Variants in DLGAP1 observed in about 807,000 individuals in gnomAD.
DLGAP1 encodes the protein DLG associated protein 1, also known as disks large-associated protein 1.
In DLGAP1, 11 loss-of-function variants were observed where a neutral mutation model predicts 90.8. The observed-to-expected ratio is 0.12, with a 90% CI of 0.08 to 0.20. The LOEUF is 0.20. DLGAP1 is among the 10% of genes least tolerant of loss of function. The pLI, the probability that DLGAP1 is intolerant of heterozygous loss-of-function variation, is 1.00. For synonymous variants in DLGAP1, 558 were observed against 540.7 expected (o/e 1.03, Z -0.44); for missense variants, 1,050 against 1,333.8 (o/e 0.79, Z 3.31).
intron 3 of DLGAP1, among the ~76,000 whole-genome samples, chr18:3,948,420 G>C (rs942058945): frequency 3.3e-5 from 5 of 152,094 alleles, no homozygotes; most frequent in Non-Finnish European, 7.4e-5. Context: ...TGCTGTTAGG[G>C]TTTCACAGAA....
intron 2 of DLGAP1, among the ~76,000 whole-genome samples, chr18:4,137,683 T>A (rs554831720): frequency 6.6e-6 from 1 of 152,316 alleles, no homozygotes; most frequent in Admixed American, 6.5e-5. Flanking sequence ...GGTATTTTGA[T>A]AAGGATTGCA....
intron 8 of DLGAP1, 125 bp from the exon 9 acceptor site, chr18:3,567,706 G>A (rs2054516218): frequency 1.2e-6 from 1 of 835,002 alleles, no homozygotes; most frequent in African/African-American, 1.7e-5. Context: ...TAACCTCCTT[G>A]TTCAATATTT....
chr18:4,360,382 C>G (rs2081606378), intron 1 of DLGAP1, among the ~76,000 whole-genome samples: 1 of 152,124 alleles, frequency 6.6e-6, no homozygotes, highest in South Asian at 2.1e-4. Flanking sequence ...CAGACTTACA[C>G]AGCAGAAGCT....
intron 1 of DLGAP1, among the ~76,000 whole-genome samples, chr18:4,372,937 A>AG (rs398031876): frequency 2.0e-5 from 3 of 151,676 alleles, no homozygotes; most frequent in South Asian, 2.1e-4. Flanking sequence ...CAAAAAAAAA[A>AG]GAAAAGAAAA....
At chr18:3,712,002 C>T (rs991759404) in intron 7 of DLGAP1, among the ~76,000 whole-genome samples, 5 of 152,040 alleles carry the variant, frequency 3.3e-5, no homozygotes, top group Admixed American at 6.6e-5. Flanking sequence ...TGGGTTCTGG[C>T]TAGAGGTATT....
chr18:4,106,228 C>A (rs932221021), intron 2 of DLGAP1, among the ~76,000 whole-genome samples: 2 of 152,064 alleles, frequency 1.3e-5, no homozygotes, highest in Non-Finnish European at 2.9e-5. Flanking sequence ...ACGTTCAGTG[C>A]CAAGAAACCT....
At chr18:3,535,690 A>G (rs2052326282) in intron 9 of DLGAP1, among the ~76,000 whole-genome samples, 1 of 149,240 alleles carries the variant, frequency 6.7e-6, no homozygotes, top group Non-Finnish European at 1.5e-5. Context: ...CCTGGGTGAC[A>G]GAGTGAGATT....
chr18:4,186,790 G>A (rs2077303418), intron 1 of DLGAP1, among the ~76,000 whole-genome samples: 1 of 151,974 alleles, frequency 6.6e-6, no homozygotes, highest in South Asian at 2.1e-4. Flanking sequence ...TTTTAAAATA[G>A]TTTCTGTGAA....
At chr18:4,177,351 AACACACACACACACACACAC>A (rs34299932) in intron 1 of DLGAP1, among the ~76,000 whole-genome samples, 5 of 141,568 alleles carry the variant, frequency 3.5e-5, no homozygotes, top group South Asian at 2.3e-4. Flanking sequence ...ACTTTCTTTG[AACACACACACACACACACAC>A]ACACACACAC....
At chr18:4,298,131 C>T (rs995613751) in intron 1 of DLGAP1, among the ~76,000 whole-genome samples, 5 of 152,114 alleles carry the variant, frequency 3.3e-5, no homozygotes, top group Admixed American at 2.0e-4. Context: ...TGACCCTCAC[C>T]TATACCAAAA....
At chr18:3,898,647 G>A (rs775098258) in intron 3 of DLGAP1, among the ~76,000 whole-genome samples, 5 of 152,190 alleles carry the variant, frequency 3.3e-5, no homozygotes, top group African/African-American at 4.8e-5. Flanking sequence ...GACCTTGTGT[G>A]GTGCAGCAAA....
intron 3 of DLGAP1, chr18:3,892,133 AC>A (rs2071483674): frequency 8.2e-6 from 1 of 122,382 alleles, no homozygotes; most frequent in Non-Finnish European, 1.6e-5. Context: ...ACACACACAC[AC>A]ACACACACAC....
At chr18:4,375,306 T>C (rs1454823640) in intron 1 of DLGAP1, among the ~76,000 whole-genome samples, 10 of 152,144 alleles carry the variant, frequency 6.6e-5, no homozygotes, top group African/African-American at 2.4e-4. Flanking sequence ...TTTGGATTCG[T>C]TGAATTAAAT....
intron 9 of DLGAP1, among the ~76,000 whole-genome samples, chr18:3,561,436 CAAAAAA>C (rs68086553): frequency 1.3e-5 from 1 of 76,360 alleles, no homozygotes; most frequent in Non-Finnish European, 2.6e-5. Flanking sequence ...ACTCCATCTC[CAAAAAA>C]AAAAAAAAAA....
chr18:4,335,575 C>T (rs1273043486), intron 1 of DLGAP1, among the ~76,000 whole-genome samples: 1 of 149,520 alleles, frequency 6.7e-6, no homozygotes, highest in African/African-American at 2.6e-5. Flanking sequence ...TTTCACCTGG[C>T]TCTGGAAAAG....
At chr18:4,249,590 T>C (rs1163460685) in intron 1 of DLGAP1, among the ~76,000 whole-genome samples, 1 of 152,136 alleles carries the variant, frequency 6.6e-6, no homozygotes, top group African/African-American at 2.4e-5. Context: ...CTCAAGTTTA[T>C]TTATTTTTTT....
chr18:3,691,983 A>G (rs2060913090), intron 7 of DLGAP1, among the ~76,000 whole-genome samples: 1 of 152,206 alleles, frequency 6.6e-6, no homozygotes, highest in Non-Finnish European at 1.5e-5. Context: ...ACTTCATATA[A>G]GGAAGGAAAA....
chr18:4,420,474 G>A (rs149932292), intron 1 of DLGAP1, among the ~76,000 whole-genome samples: 1 of 152,058 alleles, frequency 6.6e-6, no homozygotes, highest in African/African-American at 2.4e-5. Context: ...ATAAAGTCAA[G>A]TTCCTACTTT....
intron 1 of DLGAP1, among the ~76,000 whole-genome samples, chr18:4,182,068 G>GA (rs2077219163): frequency 6.6e-6 from 1 of 152,110 alleles, no homozygotes; most frequent in Non-Finnish European, 1.5e-5. Flanking sequence ...CAGGAGTCGG[G>GA]AAAGACTTGC....
Sources: allele counts gnomAD v4.1 joint callset (sites outside exome capture counted in the v4.1 genomes callset), GRCh38; gene constraint gnomAD v4.1.1; transcripts MANE v1.5; gene names NCBI Gene and HGNC (gene_info 2026-07-23, HGNC 2026-07-21).